Variants in SCN9A observed in about 807,000 individuals in gnomAD.
SCN9A encodes the protein sodium voltage-gated channel alpha subunit 9.
In SCN9A, 131 loss-of-function variants were observed where a neutral mutation model predicts 187.0. The ratio of observed to expected loss-of-function variants is 0.70; its 90% CI spans 0.61 to 0.81. The LOEUF (loss-of-function observed/expected upper bound fraction) is 0.81. SCN9A is among the 30% of genes least tolerant of loss of function. SCN9A has a pLI of 0.00. For synonymous variants in SCN9A, 809 were observed against 808.6 expected, an observed-to-expected ratio of 1.00 and a Z score of -0.01; for missense variants, 2,252 against 2,396.6, an observed-to-expected ratio of 0.94 and a Z score of 1.26.
chr2:166,261,478 A>G (rs1696501754), intron 17 of SCN9A, among the ~76,000 whole-genome samples: 1 of 152,054 alleles, frequency 6.6e-6, no homozygotes, highest in South Asian at 2.1e-4. Context: ...CTGTAGGTGG[A>G]ACAGTCACCT....
intron 1 of SCN9A, among the ~76,000 whole-genome samples, 170 bp from the exon 2 acceptor site, chr2:166,311,976 C>T (rs1324159252): frequency 1.3e-5 from 2 of 152,082 alleles, no homozygotes; most frequent in African/African-American, 4.8e-5. Flanking sequence ...ATGGGCGGGA[C>T]TTATCTTTCG....
At chr2:166,222,206 CTA>C (rs1694617345) in intron 24 of SCN9A, among the ~76,000 whole-genome samples, 1 of 152,140 alleles carries the variant, frequency 6.6e-6, no homozygotes, top group South Asian at 2.1e-4. Context: ...ATATTTCCAA[CTA>C]TATATCTAAT....
chr2:166,204,043 A>G lies in SCN9A; in HGVS notation c.4686T>C (p.Cys1562=), dbSNP rs201655242. The change falls in exon 26 of 27, where the codon TGT becomes TGC. Residue 1562 remains cysteine, a synonymous_variant. Transcript: ENST00000642356. ...VVFIILFTGE[C]VLKLISLRHY... is the part of the protein sequence containing the mutation. Reference sequence around the variant, plus strand: ...GTCTGAGGGAGATCAGTTTTAGCACACATTCTCCAGTGAAAAGGATTATAA... The same window carrying G: ...GTCTGAGGGAGATCAGTTTTAGCACGCATTCTCCAGTGAAAAGGATTATAA... The G allele has an allele frequency of 1.3e-5, 21 of 1,610,418 alleles. No individual in the cohort carries two copies. The highest frequency in any genetic ancestry group is 1.8e-5 in the Non-Finnish European group (21 of 1,177,100).
intron 1 of SCN9A, among the ~76,000 whole-genome samples, chr2:166,364,161 T>A (rs1266956334): frequency 1.4e-5 from 2 of 145,588 alleles, no homozygotes; most frequent in South Asian, 2.2e-4. Context: ...GGTTATTGTT[T>A]AAAAAAAAAA....
In SCN9A at chr2:166,283,523, G is replaced by GA. The variant is rs568201502; in HGVS notation, c.1974+929dup. 4.6e-5 allele frequency among the ~76,000 whole-genome samples: 7 copies of GA among 152,262 alleles called. No individual in the cohort carries two copies. In the South Asian group the frequency reaches 1.4e-3, roughly 32 times the overall value. ...GTGAGTGGGCTAAAGAGATATCCTG[G>GA]AAACTCCAGGAATGAGAAAGATCTC... On this transcript the variant is annotated intron_variant, in intron 12 of 26. Coordinates refer to ENST00000642356, the MANE Select transcript of SCN9A (RefSeq NM_001365536.1).
intron 1 of SCN9A, among the ~76,000 whole-genome samples, chr2:166,338,928 C>T (rs1413915135): frequency 6.7e-6 from 1 of 149,756 alleles, no homozygotes; most frequent in Non-Finnish European, 1.5e-5. Context: ...TCTGTTACTC[C>T]CCAGGCCAGT....
At chr2:166,339,185 A>G (rs1699704198) in intron 1 of SCN9A, among the ~76,000 whole-genome samples, 1 of 152,156 alleles carries the variant, frequency 6.6e-6, no homozygotes, top group African/African-American at 2.4e-5. Context: ...GCCCATCAGG[A>G]ACACCTAGAA....
intron 24 of SCN9A, among the ~76,000 whole-genome samples, chr2:166,215,737 T>G (rs957985403): frequency 7.6e-6 from 1 of 132,434 alleles, no homozygotes; most frequent in East Asian, 2.2e-4. Context: ...AAACCAATAC[T>G]GGATAAAGAA....
At chr2:166,210,017 T>C (rs1460007367) in intron 24 of SCN9A, among the ~76,000 whole-genome samples, 4 of 152,180 alleles carry the variant, frequency 2.6e-5, no homozygotes, top group Non-Finnish European at 5.9e-5. Flanking sequence ...CGTATGTTTA[T>C]TGCGGCACTA....
chr2:166,272,273 A>AC (rs1300203641), intron 17 of SCN9A, 126 bp downstream of exon 17: 12 of 604,196 alleles, frequency 2.0e-5, no homozygotes, highest in African/African-American at 1.9e-4. Flanking sequence ...GTGTAAAGTC[A>AC]CGCACAAAAA....
intron 1 of SCN9A, among the ~76,000 whole-genome samples, chr2:166,326,839 A>G (rs1396606848): frequency 2.9e-4 from 44 of 152,152 alleles, no homozygotes; most frequent in Admixed American, 2.9e-3. Context: ...ATTAATCACT[A>G]GTGTTTGGAA....
intron 1 of SCN9A, among the ~76,000 whole-genome samples, chr2:166,368,686 TAA>T (rs67339035): frequency 3.0e-5 from 4 of 134,572 alleles, no homozygotes; most frequent in Admixed American, 7.4e-5. Context: ...GAAACTTAAT[TAA>T]AAAAAAAAAA....
intron 1 of SCN9A, among the ~76,000 whole-genome samples, chr2:166,324,669 G>A (rs1699322087): frequency 6.6e-6 from 1 of 152,230 alleles, no homozygotes; most frequent in South Asian, 2.1e-4. Context: ...TGATGAGAAT[G>A]GCCTTTTACA....
At chr2:166,230,584 AT>A (rs1024896116) in intron 21 of SCN9A, among the ~76,000 whole-genome samples, 1 of 151,952 alleles carries the variant, frequency 6.6e-6, no homozygotes, top group Non-Finnish European at 1.5e-5. Context: ...TCTGCCTATG[AT>A]TTGGGGCTTA....
At chr2:166,348,435 G>C (rs529878459) in intron 1 of SCN9A, among the ~76,000 whole-genome samples, 2 of 152,136 alleles carry the variant, frequency 1.3e-5, no homozygotes, top group Middle Eastern at 6.8e-3. Context: ...TAATCAACAA[G>C]GGCTATTGAT....
At chr2:166,322,914 G>A (rs1699278850) in intron 1 of SCN9A, among the ~76,000 whole-genome samples, 1 of 152,034 alleles carries the variant, frequency 6.6e-6, no homozygotes, top group Admixed American at 6.6e-5. Flanking sequence ...AGGCATTTAG[G>A]ACATTATTTA....
chr2:166,328,521 A>T (rs1026233558), intron 1 of SCN9A, among the ~76,000 whole-genome samples: 4 of 152,142 alleles, frequency 2.6e-5, no homozygotes, highest in African/African-American at 9.7e-5. Flanking sequence ...ATACTTAATG[A>T]AAAGTTAAAA....
Position 166,277,221 on chromosome 2 carries a change from A to G in SCN9A, c.2636T>C (p.Ile879Thr), listed in dbSNP as rs768374681. ...GAGCTGCATGCCGACCACAGCAAAA[A>G]TGAAGACGATGATGGCCAACACTAA... ...LTLVLAIIVF[I>T]FAVVGMQLFG... The change falls in exon 16 of 27, where the codon ATT (isoleucine) becomes ACT (threonine). Residue 879 changes from isoleucine (I) to threonine (T), a missense_variant. Physicochemically the swap from Ile to Thr is moderately conservative, Grantham distance 89. Around this residue, in one of 7 missense-constraint regions of SCN9A, gnomAD observed 119 missense variants for 188.7 expected, o/e 0.63. Transcript: ENST00000642356. 6.2e-7 allele frequency: 1 copy of G among 1,614,146 alleles called. No homozygotes were observed. Among genetic ancestry groups the G allele is most frequent in the Non-Finnish European group, 8.5e-7 (1 of 1,180,002 alleles).
intron 1 of SCN9A, among the ~76,000 whole-genome samples, chr2:166,341,661 G>A (rs887128973): frequency 6.6e-6 from 1 of 152,156 alleles, no homozygotes; most frequent in Non-Finnish European, 1.5e-5. Context: ...CACAGTTGCT[G>A]TGGGAAAAAA....
Sources: gnomAD v4.1 joint callset for allele counts (sites outside exome capture counted in the v4.1 genomes callset) on GRCh38, gnomAD v4.1.1 for gene constraint, gnomAD v4.1.1 regional missense constraint, MANE v1.5 for transcripts, NCBI Gene and HGNC (gene_info 2026-07-23, HGNC 2026-07-21) for gene names.